The following SLC9C1 variants were observed in gnomAD, a reference collection of about 807,000 sequenced individuals.
The protein encoded by SLC9C1 is sodium/hydrogen exchanger 10.
Under a neutral mutation model 140.9 loss-of-function variants are expected in SLC9C1, and 97 were observed. The ratio of observed to expected loss-of-function variants is 0.69; its 90% CI spans 0.58 to 0.82. SLC9C1 has a LOEUF of 0.82. Ranked by LOEUF, SLC9C1 falls within the 40% of genes least tolerant of loss-of-function variation. The pLI, the probability that SLC9C1 is intolerant of heterozygous loss-of-function variation, is 0.00. For synonymous variants in SLC9C1, 440 were observed against 442.6 expected (o/e 0.99, Z 0.07); for missense variants, 1,340 against 1,389.3 (o/e 0.96, Z 0.56).
At chr3:112,289,903 A>G (rs9855755) in intron 1 of SLC9C1, among the ~76,000 whole-genome samples, 108,187 of 151,980 alleles carry the variant, frequency 0.71, 38,907 homozygotes, top group East Asian at 1. Context: ...ATCACGTGGC[A>G]AGTTTTAGAA....
At chr3:112,254,073 G>A (rs1003004618) in intron 10 of SLC9C1, among the ~76,000 whole-genome samples, 1 of 152,134 alleles carries the variant, frequency 6.6e-6, no homozygotes, top group African/African-American at 2.4e-5. Context: ...CAAAACTTCT[G>A]AAAAATATGG....
chr3:112,237,896 CT>C (rs1227310947), intron 12 of SLC9C1, among the ~76,000 whole-genome samples: 1 of 152,120 alleles, frequency 6.6e-6, no homozygotes, highest in African/African-American at 2.4e-5. Flanking sequence ...AACATTTTTT[CT>C]TTCATTTCAA....
intron 7 of SLC9C1, among the ~76,000 whole-genome samples, chr3:112,266,859 A>G (rs1455332938): frequency 6.6e-6 from 1 of 152,188 alleles, no homozygotes; most frequent in Admixed American, 6.5e-5. Context: ...TTGTGTTATA[A>G]CAGTTGTATT....
intron 11 of SLC9C1, among the ~76,000 whole-genome samples, chr3:112,242,120 T>C (rs12488760): frequency 0.59 from 89,928 of 152,014 alleles, 27,130 homozygotes; most frequent in East Asian, 0.79. Context: ...CTAGAGAGTT[T>C]CTGCAAAGCA....
At chr3:112,201,244 A>C (rs2077897890) in intron 18 of SLC9C1, among the ~76,000 whole-genome samples, 1 of 151,990 alleles carries the variant, frequency 6.6e-6, no homozygotes, top group African/African-American at 2.4e-5. Flanking sequence ...ATGGCTTGCA[A>C]TCTTAAGGGA....
intron 16 of SLC9C1, among the ~76,000 whole-genome samples, chr3:112,205,789 T>C (rs922143345): frequency 7.1e-5 from 10 of 141,690 alleles, no homozygotes; most frequent in African/African-American, 2.6e-4. Flanking sequence ...CTGGGAAAAC[T>C]GGCTAGCCAA....
At chr3:112,273,784 G>T (rs930910717) in intron 6 of SLC9C1, among the ~76,000 whole-genome samples, 6 of 152,046 alleles carry the variant, frequency 3.9e-5, no homozygotes, top group Non-Finnish European at 7.4e-5. Context: ...CATTGCTGAG[G>T]GGAGGCGGGG....
chr3:112,281,123 A>G (rs2080346313), intron 2 of SLC9C1, among the ~76,000 whole-genome samples: 1 of 152,228 alleles, frequency 6.6e-6, no homozygotes, highest in South Asian at 2.1e-4. Flanking sequence ...TCCTGCAATA[A>G]AAGATTAGTA....
intron 28 of SLC9C1, among the ~76,000 whole-genome samples, chr3:112,150,110 C>T (rs957355374): frequency 3.9e-5 from 6 of 152,190 alleles, no homozygotes; most frequent in Non-Finnish European, 8.8e-5. Flanking sequence ...TGTTGAGGCA[C>T]TTCCCACAAT....
At chr3:112,186,081 A>G in intron 20 of SLC9C1, 1 of 1,017,156 alleles carries the variant, frequency 9.8e-7, no homozygotes, top group African/African-American at 1.6e-5. Flanking sequence ...TTGCCCATTA[A>G]AAAATGAACT....
intron 6 of SLC9C1, among the ~76,000 whole-genome samples, chr3:112,271,085 C>G (rs962468834): frequency 6.6e-6 from 1 of 151,806 alleles, no homozygotes; most frequent in African/African-American, 2.4e-5. Flanking sequence ...AGGAAAATAC[C>G]GCATGATCTT....
In SLC9C1 at chr3:112,148,664, A is replaced by T. The variant is rs2074872577; in HGVS notation, c.3524+3193T>A. On this transcript the variant is annotated intron_variant, in intron 28 of 28. Transcript: ENST00000305815. ...CTGTAGCCAATGTGTTTAGGTATATACTTGACCCGTGTTTACTGGCAGAAA... is the reference window on the plus strand; with the variant it reads ...CTGTAGCCAATGTGTTTAGGTATATTCTTGACCCGTGTTTACTGGCAGAAA... 3.9e-5 allele frequency among the ~76,000 whole-genome samples: 6 copies of T among 152,228 alleles called. No homozygotes were observed. In the South Asian group the frequency reaches 1.2e-3, roughly 32 times the overall value.
At chr3:112,255,809 G>A (rs918890383) in intron 10 of SLC9C1, among the ~76,000 whole-genome samples, 1 of 151,826 alleles carries the variant, frequency 6.6e-6, no homozygotes, top group Non-Finnish European at 1.5e-5. Flanking sequence ...TTTTATTTAT[G>A]AAAAAATTAA....
At chr3:112,207,810 T>C (rs777374952) in intron 16 of SLC9C1, among the ~76,000 whole-genome samples, 4 of 152,150 alleles carry the variant, frequency 2.6e-5, no homozygotes, top group Non-Finnish European at 5.9e-5. Flanking sequence ...ACTCTGTGTA[T>C]TCCTCTATCA....
At chr3:112,207,783 C>G (rs1015628795) in intron 16 of SLC9C1, among the ~76,000 whole-genome samples, 7 of 152,172 alleles carry the variant, frequency 4.6e-5, no homozygotes, top group African/African-American at 1.7e-4. Flanking sequence ...GAAGCTCCTT[C>G]TGTCTGTTCC....
intron 26 of SLC9C1, among the ~76,000 whole-genome samples, chr3:112,158,144 G>A (rs890171236): frequency 6.6e-6 from 1 of 151,884 alleles, no homozygotes; most frequent in African/African-American, 2.4e-5. Context: ...TATGTTATTA[G>A]TTGAGGGTTT....
intron 26 of SLC9C1, among the ~76,000 whole-genome samples, chr3:112,162,453 C>G (rs1486635888): frequency 6.6e-6 from 1 of 151,996 alleles, no homozygotes; most frequent in African/African-American, 2.4e-5. Flanking sequence ...CCATCAATAC[C>G]GAATTTATTG....
At position 112,185,847 on chromosome 3, in the gene SLC9C1, G is replaced by C; in HGVS notation, c.2524-3589C>G. The C allele has an allele frequency of 6.3e-6, 10 of 1,587,696 alleles. No individual in the cohort carries two copies. The South Asian group carries it at 9.0e-5, about 14-fold the overall frequency. ...GCCCTCCTCCTCGTAAGCAGGGCCC[G>C]GGACTGCGCGGCACAGCTCCCACTC... On this transcript the variant is annotated intron_variant, in intron 20 of 28. Transcript: ENST00000305815.
chr3:112,264,107 A>G (rs1246168984), intron 9 of SLC9C1, 93 bp downstream of exon 9: 6 of 604,164 alleles, frequency 9.9e-6, no homozygotes, highest in Non-Finnish European at 1.4e-5. Context: ...TCAATTTTTC[A>G]ATCTAAGGTA....
Sources: allele counts gnomAD v4.1 joint callset (sites outside exome capture counted in the v4.1 genomes callset), GRCh38; gene constraint gnomAD v4.1.1; transcripts MANE v1.5; gene names NCBI Gene and HGNC (gene_info 2026-07-23, HGNC 2026-07-21).